Variants in RANBP17 observed in about 807,000 individuals in gnomAD.
RANBP17 encodes ran-binding protein 17.
RANBP17 carries 158 observed loss-of-function variants against 141.2 expected under a neutral mutation model. That is an observed-to-expected ratio of 1.12 (90% CI 0.98 to 1.28). The LOEUF (loss-of-function observed/expected upper bound fraction) is 1.28, where lower values mean the gene tolerates loss of function less well. RANBP17 is among the 50% of genes most tolerant of loss of function. The probability of loss-of-function intolerance (pLI) is 0.00; values close to 1 mark genes in which losing one functional copy is unlikely to be tolerated. For synonymous variants in RANBP17, 430 were observed against 450.0 expected, an observed-to-expected ratio of 0.96 and a Z score of 0.56; for missense variants, 1,438 against 1,290.7, an observed-to-expected ratio of 1.11 and a Z score of -1.75.
chr5:171,169,415 C>T (rs1759942503), intron 14 of RANBP17, among the ~76,000 whole-genome samples: 1 of 152,060 alleles, frequency 6.6e-6, no homozygotes, highest in Non-Finnish European at 1.5e-5. Flanking sequence ...TGGCATTTTC[C>T]CACTTGAAGT....
chr5:171,129,887 T>C (rs756334511), intron 14 of RANBP17, among the ~76,000 whole-genome samples: 17 of 152,182 alleles, frequency 1.1e-4, no homozygotes, highest in Non-Finnish European at 2.1e-4. Context: ...CCTGTTGTTA[T>C]CTTTCACAAT....
At chr5:170,904,911 T>G (rs2127410163) in intron 5 of RANBP17, among the ~76,000 whole-genome samples, 1 of 152,290 alleles carries the variant, frequency 6.6e-6, no homozygotes, top group African/African-American at 2.4e-5. Context: ...CCACTAACTA[T>G]TCAGGGATAG....
rs372882508 is a variant in RANBP17 at position 170,970,080 on chromosome 5, T to G, written c.1710+1703T>G. Among the ~76,000 whole-genome samples, 62 of 152,168 alleles carry G rather than the reference T, an allele frequency of 4.1e-4. 1 individual carries two copies. The South Asian group carries it at 0.013, about 31-fold the overall frequency. On this transcript the variant is annotated intron_variant, in intron 14 of 27. Transcript: ENST00000523189. ...TCTCCTAGGTACTCTTCATGCTAGCTTTATTCCTTACAGTAGGCTTGCAAG... is the reference window on the plus strand; with the variant it reads ...TCTCCTAGGTACTCTTCATGCTAGCGTTATTCCTTACAGTAGGCTTGCAAG...
At chr5:171,066,304 G>A (rs1784309194) in intron 14 of RANBP17, among the ~76,000 whole-genome samples, 1 of 152,030 alleles carries the variant, frequency 6.6e-6, no homozygotes, top group African/African-American at 2.4e-5. Flanking sequence ...TGTATCCTTT[G>A]ACCAATCTGT....
chr5:171,058,485 A>C (rs1367613222), intron 14 of RANBP17, among the ~76,000 whole-genome samples: 1 of 151,948 alleles, frequency 6.6e-6, no homozygotes, highest in Non-Finnish European at 1.5e-5. Context: ...TACAAAGGAC[A>C]TGAACTCATC....
intron 22 of RANBP17, among the ~76,000 whole-genome samples, chr5:171,235,012 A>G (rs532994373): frequency 2.6e-5 from 4 of 152,342 alleles, no homozygotes; most frequent in African/African-American, 7.2e-5. Context: ...GTGCACTCCA[A>G]TGTTGGAAGG....
intron 26 of RANBP17, among the ~76,000 whole-genome samples, chr5:171,295,405 GA>G (rs1768755504): frequency 6.6e-6 from 1 of 152,074 alleles, no homozygotes; most frequent in Non-Finnish European, 1.5e-5. Flanking sequence ...CAGAGACTTG[GA>G]AAAAAGCCCA....
At chr5:171,053,333 T>G (rs977334029) in intron 14 of RANBP17, among the ~76,000 whole-genome samples, 1 of 152,138 alleles carries the variant, frequency 6.6e-6, no homozygotes, top group Non-Finnish European at 1.5e-5. Flanking sequence ...ATCTAAGAGA[T>G]AGCTTTTCAA....
chr5:170,983,530 A>G (rs896604090), intron 14 of RANBP17, among the ~76,000 whole-genome samples: 7 of 152,226 alleles, frequency 4.6e-5, no homozygotes, highest in Admixed American at 6.5e-5. Context: ...AAAAATTCTT[A>G]TATCAGGAAA....
chr5:171,271,465 A>G (rs1285035993), intron 25 of RANBP17: 1 of 209,718 alleles, frequency 4.8e-6, no homozygotes, highest in African/African-American at 2.3e-5. Context: ...ATTTTGGCCT[A>G]CAGGAACCTT....
intron 14 of RANBP17, among the ~76,000 whole-genome samples, chr5:170,977,710 A>C (rs1323896427): frequency 6.6e-6 from 1 of 152,128 alleles, no homozygotes; most frequent in Non-Finnish European, 1.5e-5. Context: ...TGATAATTGA[A>C]AACATTACGC....
chr5:171,172,791 G>A (rs1176457351), intron 16 of RANBP17, among the ~76,000 whole-genome samples: 1 of 151,490 alleles, frequency 6.6e-6, no homozygotes, highest in African/African-American at 2.4e-5. Flanking sequence ...TTTGCATAAT[G>A]CCTAATTTAT....
intron 25 of RANBP17, among the ~76,000 whole-genome samples, chr5:171,271,949 C>CCAT (rs1423273312): frequency 6.6e-6 from 1 of 152,006 alleles, no homozygotes; most frequent in Non-Finnish European, 1.5e-5. Context: ...ACCTAAATGC[C>CCAT]CATCAGTGGT....
chr5:171,075,103 T>G (rs1182538333), intron 14 of RANBP17, among the ~76,000 whole-genome samples: 1 of 152,168 alleles, frequency 6.6e-6, no homozygotes, highest in Non-Finnish European at 1.5e-5. Context: ...TCCCACAAGC[T>G]TAGCGTTCCA....
chr5:170,901,393 C>G (rs1435799773), intron 5 of RANBP17, among the ~76,000 whole-genome samples: 2 of 152,052 alleles, frequency 1.3e-5, no homozygotes, highest in African/African-American at 4.8e-5. Context: ...TATTTTGAGC[C>G]TATGTGTGTA....
chr5:171,230,798 A>T (rs547668686), intron 22 of RANBP17, among the ~76,000 whole-genome samples: 1 of 152,128 alleles, frequency 6.6e-6, no homozygotes, highest in South Asian at 2.1e-4. Context: ...ATCCTTAAAG[A>T]TATACATTCT....
At chr5:171,005,438 C>T (rs866635103) in intron 14 of RANBP17, among the ~76,000 whole-genome samples, 2 of 152,056 alleles carry the variant, frequency 1.3e-5, no homozygotes, top group Admixed American at 6.6e-5. Flanking sequence ...GAAATAATGC[C>T]GCATATCTAC....
chr5:171,255,429 G>A (rs1345405595), intron 24 of RANBP17, among the ~76,000 whole-genome samples: 3 of 149,736 alleles, frequency 2.0e-5, no homozygotes, highest in African/African-American at 7.5e-5. Flanking sequence ...TTACATTTTT[G>A]CATTAAAAAA....
intron 14 of RANBP17, among the ~76,000 whole-genome samples, chr5:170,998,709 T>C (rs1409438039): frequency 6.6e-6 from 1 of 152,182 alleles, no homozygotes; most frequent in African/African-American, 2.4e-5. Context: ...CTTTTGCTGT[T>C]GAGAAATCAA....
Sources: gnomAD v4.1 joint callset for allele counts (sites outside exome capture counted in the v4.1 genomes callset) on GRCh38, gnomAD v4.1.1 for gene constraint, MANE v1.5 for transcripts, NCBI Gene and HGNC (gene_info 2026-07-23, HGNC 2026-07-21) for gene names.